The following CACNB2 variants were observed in gnomAD, a reference collection of about 807,000 sequenced individuals.
CACNB2 encodes the protein voltage-dependent L-type calcium channel subunit beta-2.
Under a neutral mutation model 73.3 loss-of-function variants are expected in CACNB2, and 42 were observed. The observed-to-expected ratio is 0.57, with a 90% CI of 0.45 to 0.74. The LOEUF (loss-of-function observed/expected upper bound fraction) is 0.74. Ranked by LOEUF, CACNB2 falls within the 30% of genes least tolerant of loss-of-function variation. The pLI is 0.00. For missense variants in CACNB2, 940 were observed against 853.0 expected (o/e 1.10, Z -1.27); for synonymous variants, 348 against 310.3 (o/e 1.12, Z -1.28).
At chr10:18,453,917 G>A (rs1358063302) in intron 3 of CACNB2, among the ~76,000 whole-genome samples, 1 of 152,218 alleles carries the variant, frequency 6.6e-6, no homozygotes, top group Non-Finnish European at 1.5e-5. Context: ...TTACAGGTGT[G>A]AGCCACCATG....
At chr10:18,299,256 C>A (rs1328008544) in intron 2 of CACNB2, among the ~76,000 whole-genome samples, 1 of 152,068 alleles carries the variant, frequency 6.6e-6, no homozygotes, top group Admixed American at 6.6e-5. Flanking sequence ...CAGAAGTGTT[C>A]TGGATTGGAC....
chr10:18,343,624 T>C (rs1328861077), intron 2 of CACNB2, among the ~76,000 whole-genome samples: 4 of 152,202 alleles, frequency 2.6e-5, no homozygotes, highest in African/African-American at 9.7e-5. Flanking sequence ...CTATATTTTC[T>C]GCAATAGCTA....
intron 2 of CACNB2, among the ~76,000 whole-genome samples, chr10:18,362,832 C>T (rs530077231): frequency 9.2e-5 from 14 of 152,132 alleles, no homozygotes; most frequent in African/African-American, 2.9e-4. Context: ...CACTTGAACC[C>T]GGCAGGTGGA....
chr10:18,274,760 A>G (rs940869653), intron 2 of CACNB2, among the ~76,000 whole-genome samples: 1 of 152,312 alleles, frequency 6.6e-6, no homozygotes. Flanking sequence ...GCTTATAACC[A>G]TTTAAAAATA....
intron 2 of CACNB2, among the ~76,000 whole-genome samples, chr10:18,335,521 G>A (rs912257981): frequency 3.9e-5 from 6 of 152,156 alleles, no homozygotes; most frequent in African/African-American, 1.4e-4. Context: ...TTGAACCCAG[G>A]AGGCAGAGGT....
chr10:18,479,580 A>T (rs1420577408), intron 3 of CACNB2, among the ~76,000 whole-genome samples: 1 of 152,126 alleles, frequency 6.6e-6, no homozygotes, highest in Non-Finnish European at 1.5e-5. Context: ...CCATGTATCA[A>T]AGGAGGGGCC....
intron 2 of CACNB2, among the ~76,000 whole-genome samples, chr10:18,181,507 T>A (rs941296632): frequency 6.6e-6 from 1 of 151,980 alleles, no homozygotes; most frequent in Non-Finnish European, 1.5e-5. Context: ...AGTACTCTTT[T>A]GCCATTTTTT....
At chr10:18,432,144 A>G (rs1046221087) in intron 3 of CACNB2, among the ~76,000 whole-genome samples, 1 of 152,226 alleles carries the variant, frequency 6.6e-6, no homozygotes, top group African/African-American at 2.4e-5. Flanking sequence ...AGAGGGGAGG[A>G]AAAGCTCTGT....
At chr10:18,304,304 A>G (rs2039643397) in intron 2 of CACNB2, among the ~76,000 whole-genome samples, 2 of 152,160 alleles carry the variant, frequency 1.3e-5, no homozygotes, top group South Asian at 4.1e-4. Flanking sequence ...GGCAGTGGAC[A>G]AGTTTATTTC....
chr10:18,509,709 G>A (rs1460560540), intron 6 of CACNB2, among the ~76,000 whole-genome samples: 1 of 152,062 alleles, frequency 6.6e-6, no homozygotes, highest in Non-Finnish European at 1.5e-5. Context: ...AGGTTCACTC[G>A]AGTCCAGGAG....
At chr10:18,230,493 A>G (rs2036184620) in intron 2 of CACNB2, among the ~76,000 whole-genome samples, 1 of 152,210 alleles carries the variant, frequency 6.6e-6, no homozygotes, top group South Asian at 2.1e-4. Flanking sequence ...AACAGCATGC[A>G]TGTACAGTAT....
At chr10:18,316,080 C>T (rs1434021849) in intron 2 of CACNB2, among the ~76,000 whole-genome samples, 1 of 152,110 alleles carries the variant, frequency 6.6e-6, no homozygotes, top group African/African-American at 2.4e-5. Flanking sequence ...AAAATTTTAA[C>T]AGTCAGGCAG....
intron 1 of CACNB2, among the ~76,000 whole-genome samples, chr10:18,144,610 C>T (rs949560612): frequency 1.3e-5 from 2 of 152,158 alleles, no homozygotes; most frequent in Admixed American, 6.5e-5. Flanking sequence ...GGCTTTTGAG[C>T]CCTTGAAATG....
chr10:18,539,689 G>A lies in CACNB2; in HGVS notation c.1948G>A (p.Gly650Arg). 6.2e-6 allele frequency: 10 copies of A among 1,612,912 alleles called. No individual in the cohort carries two copies. The highest frequency in any genetic ancestry group is 7.6e-6 in the Non-Finnish European group (9 of 1,179,772). ...GATATCAAAAAAACGGAATGAGGCTGGGGAGTGGAACAGGGATGTTTACAT... is the reference window on the plus strand; with the variant it reads ...GATATCAAAAAAACGGAATGAGGCTAGGGAGTGGAACAGGGATGTTTACAT... ...EVISKKRNEA[G>R]EWNRDVYIRQ is the part of the protein sequence containing the mutation. Residue 650 changes from glycine (G) to arginine (R), a missense_variant, in exon 14 of 14, where the codon GGG becomes AGG. By Grantham distance (125) the Gly-to-Arg change is moderately radical. Coordinates refer to ENST00000324631, the MANE Select transcript of CACNB2 (RefSeq NM_201596.3).
chr10:18,483,455 C>T (rs1455692974), intron 3 of CACNB2, among the ~76,000 whole-genome samples: 7 of 148,458 alleles, frequency 4.7e-5, no homozygotes, highest in Non-Finnish European at 8.9e-5. Context: ...CGCTTGAACC[C>T]GGGAGGCGGA....
At chr10:18,204,172 T>G (rs553546771) in intron 2 of CACNB2, among the ~76,000 whole-genome samples, 55 of 152,346 alleles carry the variant, frequency 3.6e-4, no homozygotes, top group Middle Eastern at 6.8e-3. Flanking sequence ...AGATGGTCCC[T>G]ACGATAGTTG....
At chr10:18,171,587 T>TAAAAAAA (rs974444420) in intron 2 of CACNB2, among the ~76,000 whole-genome samples, 3 of 104,430 alleles carry the variant, frequency 2.9e-5, no homozygotes, top group Non-Finnish European at 4.0e-5. Context: ...AATTCCAGTT[T>TAAAAAAA]AAAAAAAAAA....
At chr10:18,428,364 A>T (rs1439231806) in intron 3 of CACNB2, among the ~76,000 whole-genome samples, 2 of 151,860 alleles carry the variant, frequency 1.3e-5, no homozygotes, top group African/African-American at 2.4e-5. Context: ...TTTCTTCATC[A>T]CCCCTTATCT....
At chr10:18,195,347 A>G (rs56260589) in intron 2 of CACNB2, among the ~76,000 whole-genome samples, 6,293 of 152,272 alleles carry the variant, frequency 0.041, 414 homozygotes, top group African/African-American at 0.14. Flanking sequence ...AAATGCTTAC[A>G]CATACAAGCC....
Sources: gnomAD v4.1 joint callset for allele counts (sites outside exome capture counted in the v4.1 genomes callset) on GRCh38, gnomAD v4.1.1 for gene constraint, MANE v1.5 for transcripts, NCBI Gene and HGNC (gene_info 2026-07-23, HGNC 2026-07-21) for gene names.